LIMCH1: variants seen among roughly 807,000 people sequenced by gnomAD.
The protein encoded by LIMCH1 is LIM and calponin homology domains-containing protein 1.
LIMCH1 carries 113 observed loss-of-function variants against 176.5 expected under a neutral mutation model. That is an observed-to-expected ratio of 0.64 (90% CI 0.55 to 0.75). LIMCH1 has a LOEUF of 0.75. LIMCH1 is among the 30% of genes least tolerant of loss of function. The probability of loss-of-function intolerance (pLI) is 0.00; values close to 1 mark genes in which losing one functional copy is unlikely to be tolerated. For missense variants in LIMCH1, 1,674 were observed against 1,814.9 expected, an observed-to-expected ratio of 0.92 and a Z score of 1.41; for synonymous variants, 619 against 645.9, an observed-to-expected ratio of 0.96 and a Z score of 0.63.
intron 1 of LIMCH1, among the ~76,000 whole-genome samples, chr4:41,381,070 G>A (rs1229217380): frequency 3.9e-5 from 6 of 152,166 alleles, no homozygotes; most frequent in Non-Finnish European, 7.3e-5. Flanking sequence ...AACACTTACT[G>A]TGTGCCAGGT....
chr4:41,646,700 A>T lies in LIMCH1; in HGVS notation c.2627A>T (p.Gln876Leu). Reference sequence around the variant, plus strand: ...CCCAATCCCATGAAATACCTGCGGCAACAGTCACTGCCTCCACCCAAATTC... The same window carrying T: ...CCCAATCCCATGAAATACCTGCGGCTACAGTCACTGCCTCCACCCAAATTC... The part of the protein sequence containing the change: ...NDPNPMKYLR[Q>L]QSLPPPKFTA... The change falls in exon 17 of 32, where the codon CAA becomes CTA. Residue 876 changes from glutamine to leucine, a missense_variant. By Grantham distance (113) the Gln-to-Leu change is moderately radical. This residue lies in a region of LIMCH1 where 1,015 missense variants were observed against 1,102.5 expected (regional missense o/e 0.92). Transcript: ENST00000503057. 1.9e-6 allele frequency: 3 copies of T among 1,614,204 alleles called. No homozygotes were observed. The highest frequency in any genetic ancestry group is 2.5e-6 in the Non-Finnish European group (3 of 1,180,036).
At chr4:41,675,864 C>T (rs542344392) in intron 22 of LIMCH1, among the ~76,000 whole-genome samples, 2 of 152,126 alleles carry the variant, frequency 1.3e-5, no homozygotes. Context: ...TTGCCTGGAT[C>T]TTAGGTGGTA....
intron 28 of LIMCH1, 51 bp from the exon 29 acceptor site, chr4:41,687,789 T>A (rs754790769): frequency 8.6e-7 from 1 of 1,162,392 alleles, no homozygotes; most frequent in Non-Finnish European, 1.3e-6. Context: ...TTTAATGGAG[T>A]TTGGCTTCTC....
At chr4:41,663,852 T>TAAAAAAAAAAAAAAAAA (rs34659309) in intron 20 of LIMCH1, among the ~76,000 whole-genome samples, 3 of 82,760 alleles carry the variant, frequency 3.6e-5, no homozygotes, top group African/African-American at 5.3e-5. Flanking sequence ...TCTTCATCTC[T>TAAAAAAAAAAAAAAAAA]AAAAAAAAAA....
chr4:41,646,628 A>G lies in LIMCH1; in HGVS notation c.2555A>G (p.Glu852Gly). The change falls in exon 17 of 32, where the codon GAA becomes GGA. Residue 852 changes from glutamate to glycine, a missense_variant. Transcript: ENST00000503057. ...LERLEMPKIL[E>G]RSHSTEPNLS... ...CGCTTGGAGATGCCAAAAATTCTGG[A>G]AAGAAGCCATTCAACAGAGCCAAAT... 1.2e-6 allele frequency: 2 copies of G among 1,614,212 alleles called. No homozygotes were observed. Among genetic ancestry groups the G allele is most frequent in the East Asian group, 4.5e-5 (2 of 44,876 alleles).
chr4:41,456,802 C>T (rs970043368), intron 1 of LIMCH1, among the ~76,000 whole-genome samples: 19 of 152,132 alleles, frequency 1.2e-4, no homozygotes, highest in Admixed American at 1.2e-3. Flanking sequence ...GGGCTGGAAT[C>T]ATCTGAAGCT....
At chr4:41,527,142 C>A (rs1403337121) in intron 3 of LIMCH1, among the ~76,000 whole-genome samples, 2 of 152,040 alleles carry the variant, frequency 1.3e-5, no homozygotes, top group Non-Finnish European at 2.9e-5. Context: ...CTTTGTGAAA[C>A]CTTTAGTATT....
At chr4:41,576,644 A>G (rs1309709434) in intron 1 of LIMCH1, among the ~76,000 whole-genome samples, 1 of 152,278 alleles carries the variant, frequency 6.6e-6, no homozygotes, top group African/African-American at 2.4e-5. Context: ...GTCTTTGTTT[A>G]TGTCTGTTCT....
chr4:41,595,065 ATGGG>A (rs2088478677), intron 1 of LIMCH1, among the ~76,000 whole-genome samples: 1 of 152,194 alleles, frequency 6.6e-6, no homozygotes, highest in Non-Finnish European at 1.5e-5. Context: ...GAGTTGCCTC[ATGGG>A]GTAAAGGGTT....
chr4:41,671,700 C>A, intron 22 of LIMCH1, 106 bp downstream of exon 22: 1 of 827,640 alleles, frequency 1.2e-6, no homozygotes. Flanking sequence ...CGGTGGCTCA[C>A]GCCTGTAATC....
chr4:41,365,703 G>A (rs1346394468), intron 1 of LIMCH1, among the ~76,000 whole-genome samples: 1 of 152,236 alleles, frequency 6.6e-6, no homozygotes, highest in Non-Finnish European at 1.5e-5. Context: ...AGAGCAGGCG[G>A]CATCTTTCTC....
Position 41,697,253 on chromosome 4 carries a change from C to T in LIMCH1, c.*68C>T. On this transcript the variant is annotated 3_prime_UTR_variant, in exon 32 of 32. Coordinates refer to ENST00000503057, the MANE Select transcript of LIMCH1 (RefSeq NM_001330672.2). The stretch of plus-strand genomic sequence containing the variant: ...AGAGTGTCCCCTGGCAACTGCTTAA[C>T]AAAATCCCAAGCTCAGGGGCTTCTC... The T allele has an allele frequency of 6.9e-7, 1 of 1,455,804 alleles. No homozygotes were observed. 90.2% of individuals were successfully genotyped at this position (1,455,804 alleles called of 1,614,324 possible). A position where few individuals can be genotyped will look rare whatever the true frequency, so the allele number is the denominator to read the frequency against.
chr4:41,475,885 C>T (rs184644007), intron 1 of LIMCH1, among the ~76,000 whole-genome samples: 2 of 152,062 alleles, frequency 1.3e-5, no homozygotes, highest in East Asian at 3.9e-4. Context: ...TAAAATAATA[C>T]AAAAAAAGAC....
At chr4:41,645,616 A>G (rs894641550) in intron 15 of LIMCH1, among the ~76,000 whole-genome samples, 16 of 152,146 alleles carry the variant, frequency 1.1e-4, no homozygotes, top group African/African-American at 3.9e-4. Flanking sequence ...TACCTGTAGG[A>G]TTGTGGTGAG....
chr4:41,386,505 A>G (rs1383457277), intron 1 of LIMCH1, among the ~76,000 whole-genome samples: 1 of 152,236 alleles, frequency 6.6e-6, no homozygotes, highest in Non-Finnish European at 1.5e-5. Context: ...TATTAGCTCT[A>G]ATTATTGAAG....
At chr4:41,600,660 A>T (rs2089754633) in intron 2 of LIMCH1, among the ~76,000 whole-genome samples, 1 of 152,112 alleles carries the variant, frequency 6.6e-6, no homozygotes, top group Admixed American at 6.5e-5. Context: ...CTAGATCTGA[A>T]GCCCTGGTTA....
rs768224702 is a variant in LIMCH1, at chr4:41,646,520, A to G, written c.2447A>G (p.Lys816Arg). 1.9e-6 allele frequency: 3 copies of G among 1,614,022 alleles called. No homozygotes were observed. The highest frequency in any genetic ancestry group is 1.7e-6 in the Non-Finnish European group (2 of 1,180,002). Residue 816 changes from lysine (K) to arginine (R), a missense_variant, in exon 17 of 32, where the codon AAG becomes AGG. Around this residue, in one of 3 missense-constraint regions of LIMCH1, gnomAD observed 1,015 missense variants for 1,102.5 expected, o/e 0.92. Coordinates refer to ENST00000503057, the MANE Select transcript of LIMCH1 (RefSeq NM_001330672.2). ...GAGAGAGAGCTGCATGAAGCATATA[A>G]GAACGCTCGGTCCCAGGAGGAGGCA... Reference protein sequence around the residue: ...RRERELHEAYKNARSQEEAEG... With the variant: ...RRERELHEAYRNARSQEEAEG...
At chr4:41,599,851 A>C (rs1434413388) in intron 2 of LIMCH1, among the ~76,000 whole-genome samples, 11 of 152,358 alleles carry the variant, frequency 7.2e-5, no homozygotes, top group African/African-American at 2.4e-4. Flanking sequence ...GAGAGAAGCC[A>C]AAATTCAGAG....
At chr4:41,647,737 G>A (rs1183408785) in intron 17 of LIMCH1, among the ~76,000 whole-genome samples, 1 of 152,254 alleles carries the variant, frequency 6.6e-6, no homozygotes, top group African/African-American at 2.4e-5. Context: ...GCAGTGTGAT[G>A]CCACGTAGCT....
Sources: allele counts gnomAD v4.1 joint callset (sites outside exome capture counted in the v4.1 genomes callset), GRCh38; gene constraint gnomAD v4.1.1; regional missense constraint gnomAD v4.1.1; transcripts MANE v1.5; gene names NCBI Gene and HGNC (gene_info 2026-07-23, HGNC 2026-07-21).